The following TULP4 variants were observed in gnomAD, a reference collection of about 807,000 sequenced individuals.
TULP4 encodes the protein tubby-related protein 4.
In TULP4, 16 loss-of-function variants were observed where a neutral mutation model predicts 129.0. The observed-to-expected ratio is 0.12, with a 90% confidence interval of 0.08 to 0.19. The LOEUF (loss-of-function observed/expected upper bound fraction) is 0.19. TULP4 is among the 10% of genes least tolerant of loss of function. TULP4 has a pLI of 1.00. For synonymous variants in TULP4, 998 were observed against 854.0 expected (o/e 1.17, Z -2.94); for missense variants, 1,842 against 2,059.1 (o/e 0.89, Z 2.04).
chr6:158,453,485 C>CAAAAAAAAA (rs869146924), intron 5 of TULP4, among the ~76,000 whole-genome samples: 300 of 17,984 alleles, frequency 0.017, 35 homozygotes, highest in Non-Finnish European at 0.021. Context: ...CTCTGTCTCA[C>CAAAAAAAAA]AAAAAAAAAA....
intron 2 of TULP4, among the ~76,000 whole-genome samples, chr6:158,416,205 G>T (rs1778205360): frequency 6.6e-6 from 1 of 152,166 alleles, no homozygotes; most frequent in South Asian, 2.1e-4. Flanking sequence ...CAGATTGAGG[G>T]GGGGTCTGCC....
intron 1 of TULP4, among the ~76,000 whole-genome samples, chr6:158,258,446 C>T (rs1049373445): frequency 1.3e-5 from 2 of 152,190 alleles, no homozygotes; most frequent in Admixed American, 6.5e-5. Flanking sequence ...TCTTTGTGTT[C>T]CAGAATTTCC....
chr6:158,248,435 A>C (rs1300119866), intron 1 of TULP4, among the ~76,000 whole-genome samples: 1 of 132,394 alleles, frequency 7.6e-6, no homozygotes. Context: ...ACGCCCGGCT[A>C]ATTTTTTTGT....
chr6:158,406,099 A>G (rs1373593204), intron 1 of TULP4, among the ~76,000 whole-genome samples: 1 of 151,908 alleles, frequency 6.6e-6, no homozygotes, highest in Non-Finnish European at 1.5e-5. Context: ...CTTCCTGAAT[A>G]CTCATTGGCT....
chr6:158,385,523 T>A (rs1425468109), intron 1 of TULP4, among the ~76,000 whole-genome samples: 1 of 152,122 alleles, frequency 6.6e-6, no homozygotes, highest in Non-Finnish European at 1.5e-5. Context: ...GAACCTCAGA[T>A]TCTTCGGTGA....
In TULP4 at chr6:158,452,160, G is replaced by A. The variant is rs1258758440; in HGVS notation, c.751G>A (p.Val251Met). 1 of 1,614,184 alleles carries A rather than the reference G, an allele frequency of 6.2e-7. No individual in the cohort carries two copies. The highest frequency in any genetic ancestry group is 8.5e-7 in the Non-Finnish European group (1 of 1,180,018). The change falls in exon 5 of 14, where the codon GTG becomes ATG. Residue 251 changes from valine to methionine, a missense_variant. By Grantham distance (21) the Val-to-Met change is conservative. This residue lies in a region of TULP4 where 456 missense variants were observed against 534.3 expected (regional missense o/e 0.85). Coordinates refer to ENST00000367097, the MANE Select transcript of TULP4 (RefSeq NM_020245.5). Reference sequence around the variant, plus strand: ...TGGTCCGGCAGCATATCCCATCCCAGTGCAGAACATCAAGCCTCTGCTCAC... The same window carrying A: ...TGGTCCGGCAGCATATCCCATCCCAATGCAGAACATCAAGCCTCTGCTCAC... ...QDGPAAYPIPVQNIKPLLTVS... is the reference protein window; with the variant it reads ...QDGPAAYPIPMQNIKPLLTVS...
In TULP4 at chr6:158,484,724, G is replaced by A. The variant is rs185655638; in HGVS notation, c.1486+3435G>A. ...CAGCTGTCTGCAAGCCGGGGGCAAA[G>A]CCTTCACCAGGAAGCAGGCGTTGTC... On this transcript the variant is annotated intron_variant, in intron 8 of 13. Coordinates refer to ENST00000367097, the MANE Select transcript of TULP4 (RefSeq NM_020245.5). Among the ~76,000 whole-genome samples the A allele has an allele frequency of 2.0e-5, 3 of 152,360 alleles. No homozygotes were observed. The East Asian group carries it at 5.8e-4, about 29-fold the overall frequency.
chr6:158,353,700 A>C (rs895363318), intron 1 of TULP4, among the ~76,000 whole-genome samples: 1 of 152,188 alleles, frequency 6.6e-6, no homozygotes, highest in East Asian at 1.9e-4. Flanking sequence ...AAAATACTGC[A>C]TTGCTTGTTT....
intron 1 of TULP4, among the ~76,000 whole-genome samples, chr6:158,372,571 G>A (rs1368900368): frequency 6.6e-6 from 1 of 152,068 alleles, no homozygotes; most frequent in Non-Finnish European, 1.5e-5. Context: ...AATTGGAAAG[G>A]CCCCGGAGTG....
chr6:158,240,857 C>T (rs1260686701), intron 1 of TULP4, among the ~76,000 whole-genome samples: 1 of 150,990 alleles, frequency 6.6e-6, no homozygotes, highest in Non-Finnish European at 1.5e-5. Flanking sequence ...TGACCCCCCA[C>T]CTCCCTCCCG....
chr6:158,491,523 C>T (rs1322013667), intron 9 of TULP4, among the ~76,000 whole-genome samples: 5 of 148,894 alleles, frequency 3.4e-5, no homozygotes, highest in Non-Finnish European at 4.5e-5. Flanking sequence ...TTTCTTGTCT[C>T]GCTCTGTTGC....
chr6:158,321,267 G>C (rs1779622081), intron 1 of TULP4, among the ~76,000 whole-genome samples: 1 of 152,016 alleles, frequency 6.6e-6, no homozygotes, highest in African/African-American at 2.4e-5. Flanking sequence ...TACTGTTCTG[G>C]CCTCTGCTTT....
chr6:158,327,827 CTATT>C (rs1394999719), intron 1 of TULP4, among the ~76,000 whole-genome samples: 1 of 152,092 alleles, frequency 6.6e-6, no homozygotes, highest in South Asian at 2.1e-4. Flanking sequence ...TGATCCTTGA[CTATT>C]TATTCAAATG....
chr6:158,461,450 T>C (rs964436368), intron 5 of TULP4, 113 bp from the exon 6 acceptor site: 10 of 992,470 alleles, frequency 1.0e-5, no homozygotes, highest in Admixed American at 5.2e-5. Flanking sequence ...AATATATTTT[T>C]GTTGTATTTG....
chr6:158,505,870 T>C (rs1372499861), intron 13 of TULP4, among the ~76,000 whole-genome samples: 1 of 152,128 alleles, frequency 6.6e-6, no homozygotes, highest in African/African-American at 2.4e-5. Context: ...CTTTTTTTTT[T>C]TTCTTTTTTC....
chr6:158,337,450 C>G (rs189981568), intron 1 of TULP4, among the ~76,000 whole-genome samples: 4 of 152,060 alleles, frequency 2.6e-5, no homozygotes, highest in African/African-American at 9.7e-5. Context: ...AATTTTTAGC[C>G]TTTTCTCCCT....
In TULP4 at chr6:158,506,607, T is replaced by C; in HGVS notation, c.4545T>C (p.Ser1515=). 6.2e-7 allele frequency: 1 copy of C among 1,613,812 alleles called. No homozygotes were observed. Residue 1515 remains serine (S), a synonymous_variant, in exon 14 of 14, where the codon AGT becomes AGC. Transcript: ENST00000367097. ...TGCAGTTTGGACGGATTGATGGCAGTGCGTACATTCTAGACTTCCAGTATC... is the reference window on the plus strand; with the variant it reads ...TGCAGTTTGGACGGATTGATGGCAGCGCGTACATTCTAGACTTCCAGTATC... ...QVMQFGRIDG[S]AYILDFQYPF...
At chr6:158,260,570 T>C (rs1276855151) in intron 1 of TULP4, among the ~76,000 whole-genome samples, 6 of 129,946 alleles carry the variant, frequency 4.6e-5, no homozygotes, top group African/African-American at 1.6e-4. Context: ...AGCGAGACTC[T>C]GTCTCAAAAA....
intron 1 of TULP4, among the ~76,000 whole-genome samples, chr6:158,269,871 G>A (rs6940600): frequency 0.33 from 49,936 of 152,116 alleles, 9,209 homozygotes; most frequent in Admixed American, 0.45. Flanking sequence ...CCCGGTGCCC[G>A]GCAGTCTTGC....
Sources: gnomAD v4.1 joint callset for allele counts (sites outside exome capture counted in the v4.1 genomes callset) on GRCh38, gnomAD v4.1.1 for gene constraint, gnomAD v4.1.1 regional missense constraint, MANE v1.5 for transcripts, NCBI Gene and HGNC (gene_info 2026-07-23, HGNC 2026-07-21) for gene names.